The following ITPR1 variants were observed in gnomAD, a reference collection of about 807,000 sequenced individuals.
ITPR1 encodes inositol 1,4,5-trisphosphate-gated calcium channel ITPR1.
ITPR1 carries 96 observed loss-of-function variants against 318.4 expected under a neutral mutation model. The ratio of observed to expected loss-of-function variants is 0.30; its 90% CI spans 0.26 to 0.36. The LOEUF is 0.36. ITPR1 is among the 10% of genes least tolerant of loss of function. The pLI is 1.00. For missense variants in ITPR1, 2,440 were observed against 3,460.2 expected, an observed-to-expected ratio of 0.71 and a Z score of 7.40; for synonymous variants, 1,312 against 1,289.9, an observed-to-expected ratio of 1.02 and a Z score of -0.37.
intron 2 of ITPR1, among the ~76,000 whole-genome samples, chr3:4,509,128 C>T (rs1015710916): frequency 6.6e-6 from 1 of 152,176 alleles, no homozygotes; most frequent in Non-Finnish European, 1.5e-5. Context: ...ATTTGGTTTA[C>T]TCCTCACAAT....
intron 10 of ITPR1, among the ~76,000 whole-genome samples, chr3:4,648,084 G>C (rs375122094): frequency 6.6e-6 from 1 of 152,068 alleles, no homozygotes; most frequent in African/African-American, 2.4e-5. Flanking sequence ...TCCAGGAGGC[G>C]GAGGTTGTGG....
chr3:4,590,830 A>G (rs966118202), intron 4 of ITPR1, among the ~76,000 whole-genome samples: 1 of 152,244 alleles, frequency 6.6e-6, no homozygotes, highest in Non-Finnish European at 1.5e-5. Context: ...TTACCCAGGT[A>G]TTAAGCTCAG....
chr3:4,588,582 T>C (rs147399738), intron 4 of ITPR1, among the ~76,000 whole-genome samples: 10 of 152,216 alleles, frequency 6.6e-5, no homozygotes, highest in African/African-American at 2.4e-4. Context: ...TCTCTATCTG[T>C]GTTCACTCTC....
In ITPR1 at chr3:4,586,507, C is replaced by CTT. The variant is rs34188022; in HGVS notation, c.164-41237_164-41236dup. Among the ~76,000 whole-genome samples the CTT allele has an allele frequency of 9.6e-4, 101 of 104,780 alleles. 2 individuals carry two copies. The highest frequency in any genetic ancestry group is 4.7e-3 in the Middle Eastern group (1 of 214). The allele number at this position is 104,780 out of a possible 152,430, so 68.7% of individuals were successfully genotyped here. ...GTCTGGCGGCAAGTAGCCTTGAGTGCTTTTTTTTTTTTTTTTTTTTGAGAC... is the reference window on the plus strand; with the variant it reads ...GTCTGGCGGCAAGTAGCCTTGAGTGCTTTTTTTTTTTTTTTTTTTTTTGAGAC... On this transcript the variant is annotated intron_variant, in intron 4 of 61. Coordinates refer to ENST00000649015, the MANE Select transcript of ITPR1 (RefSeq NM_001378452.1).
intron 24 of ITPR1, among the ~76,000 whole-genome samples, chr3:4,677,938 C>T (rs2094217318): frequency 6.6e-6 from 1 of 152,120 alleles, no homozygotes; most frequent in Admixed American, 6.6e-5. Context: ...CACCCGACAA[C>T]CTGCGCTTCC....
chr3:4,730,852 T>C (rs1440008758), intron 42 of ITPR1, among the ~76,000 whole-genome samples: 1 of 152,166 alleles, frequency 6.6e-6, no homozygotes, highest in African/African-American at 2.4e-5. Flanking sequence ...CTCAACCCTA[T>C]GCTCTTTCAG....
intron 2 of ITPR1, among the ~76,000 whole-genome samples, chr3:4,496,470 T>C (rs2080580653): frequency 6.6e-6 from 1 of 152,260 alleles, no homozygotes; most frequent in South Asian, 2.1e-4. Context: ...GGCTCTTGCC[T>C]TGAGACCCAT....
intron 40 of ITPR1, among the ~76,000 whole-genome samples, chr3:4,724,674 G>A (rs1345408818): frequency 6.6e-6 from 1 of 152,196 alleles, no homozygotes; most frequent in Non-Finnish European, 1.5e-5. Context: ...TCCTTTTGGA[G>A]GGCAGATTCA....
At chr3:4,805,149 T>C (rs1209207614) in intron 54 of ITPR1, among the ~76,000 whole-genome samples, 1 of 152,240 alleles carries the variant, frequency 6.6e-6, no homozygotes, top group Non-Finnish European at 1.5e-5. Context: ...TTGGTTCATT[T>C]TGACCAAGAA....
At chr3:4,736,010 T>C (rs922113622) in intron 44 of ITPR1, among the ~76,000 whole-genome samples, 2 of 152,240 alleles carry the variant, frequency 1.3e-5, no homozygotes, top group Non-Finnish European at 2.9e-5. Flanking sequence ...CATGATTTTT[T>C]CTTCCACAAC....
At position 4,765,663 on chromosome 3, in the gene ITPR1, G is replaced by GT. The variant is rs545395310; in HGVS notation, c.5545-857dup. On this transcript the variant is annotated intron_variant, in intron 44 of 61. Transcript: ENST00000649015. ...AAGCAAATATATTGTTGGGAGCTTT[G>GT]TTTTTTTTTTCTCTGGAAATGACCG... is the stretch of plus-strand genomic sequence containing the variant. 2.9e-4 allele frequency among the ~76,000 whole-genome samples: 44 copies of GT among 150,334 alleles called. No individual in the cohort carries two copies. In the South Asian group the frequency reaches 7.0e-3, roughly 24 times the overall value.
At chr3:4,703,454 G>A (rs1236252589) in intron 36 of ITPR1, among the ~76,000 whole-genome samples, 1 of 152,154 alleles carries the variant, frequency 6.6e-6, no homozygotes, top group African/African-American at 2.4e-5. Context: ...CTCATAGGCA[G>A]CCTTTGAAAG....
At chr3:4,646,730 T>A (rs1466959649) in intron 10 of ITPR1, among the ~76,000 whole-genome samples, 2 of 152,192 alleles carry the variant, frequency 1.3e-5, no homozygotes, top group African/African-American at 4.8e-5. Flanking sequence ...TCTGAATGCT[T>A]GGTGAAAGAG....
intron 4 of ITPR1, among the ~76,000 whole-genome samples, chr3:4,604,985 TG>T (rs1038772275): frequency 3.3e-5 from 5 of 151,526 alleles, no homozygotes; most frequent in Non-Finnish European, 1.5e-5. Context: ...TTTTTTTGGG[TG>T]GGGGGGATGG....
At chr3:4,807,845 A>AACTTTT (rs2048686593) in intron 55 of ITPR1, among the ~76,000 whole-genome samples, 1 of 152,156 alleles carries the variant, frequency 6.6e-6, no homozygotes, top group Non-Finnish European at 1.5e-5. Flanking sequence ...TCATGCCATC[A>AACTTTT]TGTCCCTGGA....
chr3:4,766,066 G>A (rs182447604), intron 44 of ITPR1, among the ~76,000 whole-genome samples: 2 of 152,260 alleles, frequency 1.3e-5, no homozygotes, highest in Admixed American at 1.3e-4. Flanking sequence ...ATCCTAACCT[G>A]TTAATGAGCA....
chr3:4,677,242 C>T (rs2094203266), intron 24 of ITPR1, among the ~76,000 whole-genome samples: 1 of 152,212 alleles, frequency 6.6e-6, no homozygotes, highest in South Asian at 2.1e-4. Context: ...TCCCCTTAAG[C>T]ACTGGGAGGG....
At position 4,645,481 on chromosome 3, in the gene ITPR1, T is replaced by G. The variant is rs751421128; in HGVS notation, c.708+11T>G. The stretch of plus-strand genomic sequence containing the variant: ...GACATATTAAAGGGGGTGAGTTTGA[T>G]GCTTTATGGGCTGAGCATTACTTGG... On this transcript the variant is annotated intron_variant, in intron 9 of 61. Transcript: ENST00000649015. 1 of 1,610,194 alleles carries G rather than the reference T, an allele frequency of 6.2e-7. No individual in the cohort carries two copies. The highest frequency in any genetic ancestry group is 8.5e-7 in the Non-Finnish European group (1 of 1,176,554).
chr3:4,609,522 T>C (rs1879817), intron 4 of ITPR1, among the ~76,000 whole-genome samples: 25,210 of 152,008 alleles, frequency 0.17, 4,399 homozygotes, highest in African/African-American at 0.45. Flanking sequence ...TAGGGGTACG[T>C]TGAATATGTA....
Sources: gnomAD v4.1 joint callset for allele counts (sites outside exome capture counted in the v4.1 genomes callset) on GRCh38, gnomAD v4.1.1 for gene constraint, MANE v1.5 for transcripts, NCBI Gene and HGNC (gene_info 2026-07-23, HGNC 2026-07-21) for gene names.